The following MAF variants were observed in gnomAD, a reference collection of about 807,000 sequenced individuals.
MAF encodes the protein MAF bZIP transcription factor, also known as transcription factor Maf.
MAF carries 10 observed loss-of-function variants against 22.0 expected under a neutral mutation model. That is an observed-to-expected ratio of 0.45 (90% confidence interval 0.28 to 0.77). The LOEUF (loss-of-function observed/expected upper bound fraction) is 0.77, where lower values mean the gene tolerates loss of function less well. MAF is among the 30% of genes least tolerant of loss of function. The probability of loss-of-function intolerance (pLI) is 0.12; values close to 1 mark genes in which losing one functional copy is unlikely to be tolerated. For synonymous variants in MAF, 337 were observed against 255.8 expected (o/e 1.32, Z -3.03); for missense variants, 544 against 548.4 (o/e 0.99, Z 0.08).
chr16:79,311,376 G>A, the MAF span, among the ~76,000 whole-genome samples: 1 of 151,928 alleles, frequency 6.6e-6, no homozygotes, highest in Non-Finnish European at 1.5e-5. Context: ...CTGTCCAGCA[G>A]CCTTTTCTGC....
chr16:79,244,785 G>C, the MAF span, among the ~76,000 whole-genome samples: 1 of 152,014 alleles, frequency 6.6e-6, no homozygotes, highest in East Asian at 1.9e-4. Flanking sequence ...AAAGATCAAA[G>C]CTGGAGGCAT....
chr16:79,502,720 T>TAC, the MAF span, among the ~76,000 whole-genome samples: 1 of 23,580 alleles, frequency 4.2e-5, no homozygotes, highest in Non-Finnish European at 8.7e-5. Flanking sequence ...TATATATATA[T>TAC]ATATATATAT....
the MAF span, among the ~76,000 whole-genome samples, chr16:79,483,398 G>T: frequency 2.0e-5 from 3 of 150,436 alleles, no homozygotes; most frequent in African/African-American, 7.4e-5. Flanking sequence ...GGAAAGGAAA[G>T]AAAACAGAGG....
At chr16:79,543,005 G>A in the MAF span, among the ~76,000 whole-genome samples, 2 of 152,152 alleles carry the variant, frequency 1.3e-5, no homozygotes, top group Non-Finnish European at 1.5e-5. Context: ...GTGCAGTTAT[G>A]TTTTCTCTCT....
At chr16:79,390,490 C>G in the MAF span, among the ~76,000 whole-genome samples, 1 of 152,178 alleles carries the variant, frequency 6.6e-6, no homozygotes. Context: ...CAGTTTTTAT[C>G]TGCACAGAGC....
the MAF span, among the ~76,000 whole-genome samples, chr16:79,519,921 G>A: frequency 6.6e-6 from 1 of 152,226 alleles, no homozygotes; most frequent in Non-Finnish European, 1.5e-5. Context: ...CCTCCATCCG[G>A]GACAGCGCAT....
the MAF span, among the ~76,000 whole-genome samples, chr16:79,546,402 G>A: frequency 6.6e-6 from 1 of 152,068 alleles, no homozygotes; most frequent in Non-Finnish European, 1.5e-5. Flanking sequence ...TTTTATGAAT[G>A]AGTGACTTGG....
chr16:79,538,002 G>T, the MAF span, among the ~76,000 whole-genome samples: 3 of 152,118 alleles, frequency 2.0e-5, no homozygotes, highest in African/African-American at 7.2e-5. Flanking sequence ...GATCTAAAAA[G>T]TCAGAATTTG....
chr16:79,207,652 G>T, the MAF span, among the ~76,000 whole-genome samples: 1 of 152,154 alleles, frequency 6.6e-6, no homozygotes, highest in African/African-American at 2.4e-5. Flanking sequence ...TTTAAGACAG[G>T]AATCTCCTCT....
chr16:79,485,152 G>A, the MAF span, among the ~76,000 whole-genome samples: 2 of 152,306 alleles, frequency 1.3e-5, no homozygotes, highest in South Asian at 2.1e-4. Context: ...CAGGAACAGT[G>A]ATCTCTTTAA....
the MAF span, among the ~76,000 whole-genome samples, chr16:79,323,123 T>G: frequency 1.7e-5 from 2 of 115,490 alleles, no homozygotes; most frequent in East Asian, 2.9e-4. Context: ...CATTCCAGCC[T>G]GGGTGACAGC....
At chr16:79,408,177 C>T in the MAF span, among the ~76,000 whole-genome samples, 1 of 145,414 alleles carries the variant, frequency 6.9e-6, no homozygotes, top group African/African-American at 2.5e-5. Flanking sequence ...CGTGGCTTTT[C>T]TTTTCTTTTC....
chr16:79,565,306 G>T, the MAF span, among the ~76,000 whole-genome samples: 1 of 152,190 alleles, frequency 6.6e-6, no homozygotes, highest in Non-Finnish European at 1.5e-5. Flanking sequence ...CGATGGCAGG[G>T]TTGAGCAGCT....
At chr16:79,415,192 T>C in the MAF span, among the ~76,000 whole-genome samples, 9 of 152,092 alleles carry the variant, frequency 5.9e-5, no homozygotes, top group Non-Finnish European at 1.3e-4. Context: ...AGGACTCTTG[T>C]TAGTTCATTA....
the MAF span, among the ~76,000 whole-genome samples, chr16:79,280,645 G>A: frequency 6.6e-6 from 1 of 152,178 alleles, no homozygotes; most frequent in African/African-American, 2.4e-5. Flanking sequence ...CTGGGGTGCT[G>A]CAGTGCTATT....
chr16:79,288,017 C>T, the MAF span, among the ~76,000 whole-genome samples: 4 of 152,192 alleles, frequency 2.6e-5, no homozygotes, highest in Non-Finnish European at 4.4e-5. Flanking sequence ...CAAAACTACT[C>T]CCAGTTCCTT....
At chr16:79,243,953 C>G in the MAF span, among the ~76,000 whole-genome samples, 1 of 151,864 alleles carries the variant, frequency 6.6e-6, no homozygotes, top group Admixed American at 6.6e-5. Context: ...TAAACAAAAC[C>G]AATGAAAAAA....
chr16:79,413,729 G>A, the MAF span, among the ~76,000 whole-genome samples: 12 of 152,264 alleles, frequency 7.9e-5, no homozygotes, highest in African/African-American at 2.6e-4. Flanking sequence ...GGAAATACTC[G>A]AGTAATATTA....
chr16:79,211,601 T>C, the MAF span: 5 of 1,614,202 alleles, frequency 3.1e-6, no homozygotes, highest in Non-Finnish European at 4.2e-6. Context: ...TCTTCTTGGA[T>C]TTCCAGCAAC....
Sources: allele counts gnomAD v4.1 joint callset (sites outside exome capture counted in the v4.1 genomes callset), GRCh38; gene constraint gnomAD v4.1.1; transcripts MANE v1.5; gene names NCBI Gene and HGNC (gene_info 2026-07-23, HGNC 2026-07-21).